CFAP299: variants seen among roughly 807,000 people sequenced by gnomAD.
The protein encoded by CFAP299 is cilia and flagella associated protein 299.
In CFAP299, 21 loss-of-function variants were observed where a neutral mutation model predicts 27.0. The observed-to-expected ratio is 0.78, with a 90% confidence interval of 0.55 to 1.12. The LOEUF (loss-of-function observed/expected upper bound fraction) is 1.12. CFAP299 is among the 50% of genes most tolerant of loss of function. The pLI, the probability that CFAP299 is intolerant of heterozygous loss-of-function variation, is 0.00. For missense variants in CFAP299, 310 were observed against 276.6 expected, an observed-to-expected ratio of 1.12 and a Z score of -0.86; for synonymous variants, 104 against 98.1, an observed-to-expected ratio of 1.06 and a Z score of -0.36.
intron 3 of CFAP299, among the ~76,000 whole-genome samples, chr4:80,680,104 G>C (rs954449365): frequency 2.6e-5 from 4 of 151,960 alleles, no homozygotes; most frequent in African/African-American, 7.2e-5. Context: ...GGGAGGAATA[G>C]GTCTACTGCC....
intron 2 of CFAP299, among the ~76,000 whole-genome samples, chr4:80,488,957 AC>A (rs1012475298): frequency 6.6e-6 from 1 of 152,200 alleles, no homozygotes; most frequent in Non-Finnish European, 1.5e-5. Context: ...ATGCTTCTGT[AC>A]ACAAGATCTT....
rs1736147932 is a variant in CFAP299, at chr4:80,581,252, A to G, written c.243-1841A>G. Among the ~76,000 whole-genome samples the G allele has an allele frequency of 2.0e-5, 3 of 151,650 alleles. No homozygotes were observed. The South Asian group carries it at 6.2e-4, about 32-fold the overall frequency. On this transcript the variant is annotated intron_variant, in intron 2 of 5. Coordinates refer to ENST00000358105, the MANE Select transcript of CFAP299 (RefSeq NM_152770.3). ...ATTTTCTAAACAAGCAACTGACAAA[A>G]TTACTTTTCTGTTTTAAACATTTAA... is the stretch of plus-strand genomic sequence containing the variant.
intron 2 of CFAP299, among the ~76,000 whole-genome samples, chr4:80,467,429 T>C (rs1729760649): frequency 6.6e-6 from 1 of 152,214 alleles, no homozygotes; most frequent in African/African-American, 2.4e-5. Context: ...CTAGATTTCC[T>C]CTACAGATGA....
intron 2 of CFAP299, among the ~76,000 whole-genome samples, chr4:80,473,030 A>G (rs929017673): frequency 7.9e-5 from 12 of 152,184 alleles, no homozygotes; most frequent in African/African-American, 2.9e-4. Context: ...CCATTGGTGA[A>G]GAAGATAATC....
chr4:80,614,537 G>T (rs948022575), intron 3 of CFAP299, among the ~76,000 whole-genome samples: 1 of 152,184 alleles, frequency 6.6e-6, no homozygotes, highest in Non-Finnish European at 1.5e-5. Context: ...ACTCTGCGGG[G>T]GCAGCATGTG....
chr4:80,799,810 A>AT (rs1553893117), intron 3 of CFAP299, among the ~76,000 whole-genome samples: 295 of 26,022 alleles, frequency 0.011, 17 homozygotes, highest in African/African-American at 0.062. Context: ...ATAATATATA[A>AT]ATATATATAT....
chr4:80,515,921 A>G (rs1732561503), intron 2 of CFAP299, among the ~76,000 whole-genome samples: 1 of 152,162 alleles, frequency 6.6e-6, no homozygotes, highest in African/African-American at 2.4e-5. Flanking sequence ...CATGTTAATA[A>G]TACAAGAAAG....
intron 3 of CFAP299, among the ~76,000 whole-genome samples, chr4:80,764,332 C>A (rs922717334): frequency 3.9e-5 from 6 of 151,942 alleles, no homozygotes; most frequent in South Asian, 2.1e-4. Context: ...ATGCGGCCAA[C>A]AAACATGAAA....
chr4:80,857,198 C>T (rs1731965604), intron 3 of CFAP299, among the ~76,000 whole-genome samples: 1 of 152,232 alleles, frequency 6.6e-6, no homozygotes, highest in East Asian at 1.9e-4. Flanking sequence ...TGATTTGGCT[C>T]TCTGTTTCTC....
intron 2 of CFAP299, among the ~76,000 whole-genome samples, chr4:80,367,980 GCTGGATA>G (rs1315123105): frequency 6.6e-6 from 1 of 152,112 alleles, no homozygotes; most frequent in African/African-American, 2.4e-5. Context: ...CATCCCTCAG[GCTGGATA>G]CTTGCCTGGA....
At chr4:80,338,484 C>T (rs1722274358) in intron 1 of CFAP299, among the ~76,000 whole-genome samples, 1 of 152,006 alleles carries the variant, frequency 6.6e-6, no homozygotes, top group Non-Finnish European at 1.5e-5. Flanking sequence ...TTGGTTCTAA[C>T]TCTGCAATAT....
intron 3 of CFAP299, among the ~76,000 whole-genome samples, chr4:80,800,761 G>GTATA (rs1553893592): frequency 8.6e-5 from 11 of 128,490 alleles, no homozygotes; most frequent in Non-Finnish European, 1.7e-4. Flanking sequence ...GTGTGTGTGT[G>GTATA]TGTGTGTATA....
chr4:80,790,942 T>A (rs1727527712), intron 3 of CFAP299, among the ~76,000 whole-genome samples: 1 of 152,110 alleles, frequency 6.6e-6, no homozygotes, highest in African/African-American at 2.4e-5. Flanking sequence ...TTTATCAATT[T>A]ATTTTTGAAT....
intron 3 of CFAP299, among the ~76,000 whole-genome samples, chr4:80,724,101 G>A (rs1723002482): frequency 1.3e-5 from 2 of 152,032 alleles, no homozygotes; most frequent in South Asian, 4.1e-4. Context: ...TTTTGAATAT[G>A]ACAGTTAGAA....
At chr4:80,779,039 A>G (rs1178458452) in intron 3 of CFAP299, among the ~76,000 whole-genome samples, 1 of 152,076 alleles carries the variant, frequency 6.6e-6, no homozygotes, top group Non-Finnish European at 1.5e-5. Context: ...AGCATTTCAT[A>G]TATATTACCT....
intron 4 of CFAP299, among the ~76,000 whole-genome samples, chr4:80,941,264 G>A (rs1184818626): frequency 6.6e-6 from 1 of 151,908 alleles, no homozygotes; most frequent in Non-Finnish European, 1.5e-5. Flanking sequence ...TCATATCTGT[G>A]GAATACAAAG....
At chr4:80,435,305 C>T (rs922534655) in intron 2 of CFAP299, among the ~76,000 whole-genome samples, 1 of 152,108 alleles carries the variant, frequency 6.6e-6, no homozygotes, top group Non-Finnish European at 1.5e-5. Flanking sequence ...TATCTTCCAT[C>T]CAGAGAGGGG....
Position 80,424,585 on chromosome 4 carries a change from A to C in CFAP299, c.242+61701A>C, listed in dbSNP as rs558863674. 6.6e-4 allele frequency among the ~76,000 whole-genome samples: 101 copies of C among 152,338 alleles called. No individual in the cohort carries two copies. In the Middle Eastern group the frequency reaches 0.01, roughly 15 times the overall value. The stretch of plus-strand genomic sequence containing the variant: ...GATCTATATTGTTTCAATACACACA[A>C]GTTCCAAAGAAGCATGGCATTATGA... On this transcript the variant is annotated intron_variant, in intron 2 of 5. Transcript: ENST00000358105.
At chr4:80,706,389 A>G (rs1721821541) in intron 3 of CFAP299, among the ~76,000 whole-genome samples, 2 of 151,950 alleles carry the variant, frequency 1.3e-5, no homozygotes, top group African/African-American at 4.8e-5. Context: ...CAGCTAGAAT[A>G]AACTTCAAAG....
Sources: allele counts gnomAD v4.1 joint callset (sites outside exome capture counted in the v4.1 genomes callset), GRCh38; gene constraint gnomAD v4.1.1; transcripts MANE v1.5; gene names NCBI Gene and HGNC (gene_info 2026-07-23, HGNC 2026-07-21).